The following FMO5 variants were observed in gnomAD, a reference collection of about 807,000 sequenced individuals.
FMO5 encodes flavin-containing monooxygenase 5.
A neutral mutation model predicts 43.6 loss-of-function variants in FMO5; 51 were observed. The observed-to-expected ratio is 1.17, with a 90% confidence interval of 0.93 to 1.48. The LOEUF (loss-of-function observed/expected upper bound fraction) is 1.48, where lower values mean the gene tolerates loss of function less well. Ranked by LOEUF, FMO5 falls within the 40% of genes most tolerant of loss-of-function variation. The pLI, the probability that FMO5 is intolerant of heterozygous loss-of-function variation, is 0.00. For synonymous variants in FMO5, 187 were observed against 216.5 expected (o/e 0.86, Z 1.20); for missense variants, 644 against 643.0 (o/e 1.00, Z -0.02).
At chr1:147,226,178 G>A (rs1035022823), upstream of FMO5, among the ~76,000 whole-genome samples, 3 of 151,680 alleles carry the variant, frequency 2.0e-5, no homozygotes, top group Non-Finnish European at 4.4e-5. Context: ...GGTGGGAGGA[G>A]GGCAGCAGTA....
chr1:147,189,783 C>G (rs1484816066), intron 8 of FMO5, among the ~76,000 whole-genome samples: 1 of 152,128 alleles, frequency 6.6e-6, no homozygotes, highest in African/African-American at 2.4e-5. Flanking sequence ...GTAAATCTAC[C>G]TACAGATTTG....
At chr1:147,190,925 C>T (rs1395612223) in intron 7 of FMO5, among the ~76,000 whole-genome samples, 2 of 151,876 alleles carry the variant, frequency 1.3e-5, no homozygotes, top group Non-Finnish European at 2.9e-5. Context: ...TGAGTGAGAA[C>T]ATGCGGTGTT....
chr1:147,186,185 A>T, downstream of FMO5: 1 of 340,076 alleles, frequency 2.9e-6, no homozygotes, highest in Non-Finnish European at 4.2e-6. Context: ...CAGCTAATTT[A>T]AAATCCCAAA....
At chr1:147,204,196 A>G in intron 6 of FMO5, 1 of 1,371,538 alleles carries the variant, frequency 7.3e-7, no homozygotes, top group East Asian at 2.3e-5. Context: ...TCATGCCATC[A>G]AAAGGACAAG....
At chr1:147,219,865 G>T (rs1418918604) in intron 2 of FMO5, among the ~76,000 whole-genome samples, 5 of 132,972 alleles carry the variant, frequency 3.8e-5, no homozygotes, top group Non-Finnish European at 6.2e-5. Flanking sequence ...TTGAGACAGA[G>T]TCTCGCTCTA....
In FMO5 at chr1:147,201,519, A is replaced by G. The variant is rs1429750943; in HGVS notation, c.831-15T>C. 6 of 1,591,160 alleles carry G rather than the reference A, an allele frequency of 3.8e-6. No individual in the cohort carries two copies. Among genetic ancestry groups the G allele is most frequent in the African/African-American group, 1.3e-5 (1 of 74,316 alleles). On this transcript the variant is annotated splice_polypyrimidine_tract_variant and intron_variant, in intron 6 of 8. Coordinates refer to ENST00000254090, the MANE Select transcript of FMO5 (RefSeq NM_001461.4). ...GACTCAGAGCTCTGTGAGTCGTGAC[A>G]AAGATCAAGTGGAGAAATGAGAGAA...
chr1:147,194,172 T>A lies in FMO5; in HGVS notation c.1184-3923A>T, dbSNP rs587646531. On this transcript the variant is annotated intron_variant, in intron 7 of 8. Coordinates refer to ENST00000254090, the MANE Select transcript of FMO5 (RefSeq NM_001461.4). ...TCTTTGTAGGTCACTAAGGACTTGC[T>A]TTATGAATCTGGGTGCTCCTGCATT... is the stretch of plus-strand genomic sequence containing the variant. Among the ~76,000 whole-genome samples the A allele has an allele frequency of 4.6e-5, 7 of 152,318 alleles. No homozygotes were observed. The South Asian group carries it at 1.2e-3, about 27-fold the overall frequency.
rs587622922 is a variant in FMO5 at position 147,194,281 on chromosome 1, A to T, written c.1184-4032T>A. On this transcript the variant is annotated intron_variant, in intron 7 of 8. Coordinates refer to ENST00000254090, the MANE Select transcript of FMO5 (RefSeq NM_001461.4). Reference sequence around the variant, plus strand: ...ATTTAATGGCCTTCTTTGTCTCTTTAGATCTTTGCTGGTTTAAAGTCTGTT... The same window carrying T: ...ATTTAATGGCCTTCTTTGTCTCTTTTGATCTTTGCTGGTTTAAAGTCTGTT... Among the ~76,000 whole-genome samples, 658 of 152,018 alleles carry T rather than the reference A, an allele frequency of 4.3e-3. 5 individuals carry two copies. Among genetic ancestry groups the T allele is most frequent in the Non-Finnish European group, 7.7e-3 (523 of 67,970 alleles).
At chr1:147,210,499 T>C (rs1553923547) in intron 5 of FMO5, 1 of 152,200 alleles carries the variant, frequency 6.6e-6, no homozygotes, top group African/African-American at 2.4e-5. Context: ...TTCACAAATC[T>C]TATCTCGCCT....
chr1:147,219,049 G>C (rs1175759102), intron 2 of FMO5, among the ~76,000 whole-genome samples: 16 of 152,182 alleles, frequency 1.1e-4, no homozygotes, highest in African/African-American at 3.6e-4. Flanking sequence ...TCTATTATCA[G>C]GACCTGGTGT....
intron 7 of FMO5, among the ~76,000 whole-genome samples, chr1:147,193,006 G>A (rs1553918925): frequency 6.6e-6 from 1 of 152,102 alleles, no homozygotes; most frequent in African/African-American, 2.4e-5. Context: ...TTTGGTATCA[G>A]GATGATGCTG....
chr1:147,186,148 A>C (rs1559627939), downstream of FMO5: 1 of 176,630 alleles, frequency 5.7e-6, no homozygotes, highest in Non-Finnish European at 1.1e-5. Context: ...TATGGGAAGG[A>C]TTTAAAAGAG....
intron 3 of FMO5, among the ~76,000 whole-genome samples, chr1:147,214,473 A>AC (rs1553924555): frequency 2.7e-5 from 4 of 150,864 alleles, no homozygotes; most frequent in East Asian, 1.9e-4. Context: ...AAACAAAAAA[A>AC]AAAAGAGAGA....
intron 8 of FMO5, among the ~76,000 whole-genome samples, chr1:147,187,870 G>A (rs1387831309): frequency 6.6e-6 from 1 of 152,214 alleles, no homozygotes; most frequent in Non-Finnish European, 1.5e-5. Flanking sequence ...TATCTGTGTG[G>A]TGGAGTGGGA....
chr1:147,197,189 A>G (rs587680516), intron 7 of FMO5, among the ~76,000 whole-genome samples: 1 of 152,196 alleles, frequency 6.6e-6, no homozygotes, highest in South Asian at 2.1e-4. Context: ...TTGTTCTGTC[A>G]CTTTCATCTA....
At chr1:147,219,012 G>A (rs1057392222) in intron 2 of FMO5, among the ~76,000 whole-genome samples, 5 of 152,140 alleles carry the variant, frequency 3.3e-5, no homozygotes, top group Admixed American at 3.3e-4. Flanking sequence ...TGAGAAACCC[G>A]AGAGTAGCCA....
chr1:147,218,318 C>T (rs951873612), intron 2 of FMO5, among the ~76,000 whole-genome samples: 4 of 151,640 alleles, frequency 2.6e-5, no homozygotes, highest in Admixed American at 2.0e-4. Context: ...TCCCTGCAAC[C>T]TCTGCCTCCT....
intron 2 of FMO5, among the ~76,000 whole-genome samples, chr1:147,217,265 A>G (rs1339871724): frequency 6.6e-6 from 1 of 152,060 alleles, no homozygotes; most frequent in Non-Finnish European, 1.5e-5. Flanking sequence ...GAAAAAGAAA[A>G]AAAAACTTCC....
Position 147,186,513 on chromosome 1 carries a change from AAG to A in FMO5, c.*385_*386del. ...ATAGAAAATCAAACCCTATCAGAAG[AAG>A]AGTTACGTGGAGTAAGCGATTTTAT... On this transcript the variant is annotated 3_prime_UTR_variant, in exon 9 of 9. Coordinates refer to ENST00000254090, the MANE Select transcript of FMO5 (RefSeq NM_001461.4). 3 of 993,948 alleles carry A rather than the reference AAG, an allele frequency of 3.0e-6. No individual in the cohort carries two copies. Among genetic ancestry groups the A allele is most frequent in the Non-Finnish European group, 3.6e-6 (3 of 835,740 alleles). The allele number at this position is 993,948 out of a possible 1,614,324, so 61.6% of individuals were successfully genotyped here.
Sources: allele counts gnomAD v4.1 joint callset (sites outside exome capture counted in the v4.1 genomes callset), GRCh38; gene constraint gnomAD v4.1.1; transcripts MANE v1.5; gene names NCBI Gene and HGNC (gene_info 2026-07-23, HGNC 2026-07-21).